Variants in ABI3BP observed in about 807,000 individuals in gnomAD.
ABI3BP encodes the protein target of Nesh-SH3.
In ABI3BP, 216 loss-of-function variants were observed where a neutral mutation model predicts 268.6. The ratio of observed to expected loss-of-function variants is 0.80; its 90% CI spans 0.72 to 0.90. ABI3BP has a LOEUF of 0.90. ABI3BP is among the 40% of genes least tolerant of loss of function. The pLI is 0.00. For synonymous variants in ABI3BP, 730 were observed against 730.0 expected (o/e 1.00, Z 0.00); for missense variants, 2,090 against 2,182.4 (o/e 0.96, Z 0.84).
chr3:100,955,000 T>TTA (rs1405142027), intron 1 of ABI3BP, among the ~76,000 whole-genome samples: 2 of 108,242 alleles, frequency 1.8e-5, no homozygotes, highest in Non-Finnish European at 1.8e-5. Context: ...TTTTTTTTTT[T>TTA]ACGAATCATA....
At chr3:100,827,494 T>C (rs114722092) in intron 34 of ABI3BP, among the ~76,000 whole-genome samples, 1,814 of 152,264 alleles carry the variant, frequency 0.012, 24 homozygotes, top group Middle Eastern at 0.068. Context: ...GCATGATATG[T>C]TCAATGGAAG....
intron 56 of ABI3BP, among the ~76,000 whole-genome samples, 172 bp downstream of exon 56, chr3:100,789,282 T>G (rs1028739272): frequency 6.6e-6 from 1 of 152,136 alleles, no homozygotes; most frequent in Admixed American, 6.6e-5. Flanking sequence ...TAGTCAAGTC[T>G]TGTCACATTT....
intron 4 of ABI3BP, among the ~76,000 whole-genome samples, chr3:100,897,206 C>T (rs1407144125): frequency 6.6e-6 from 1 of 152,092 alleles, no homozygotes; most frequent in Admixed American, 6.5e-5. Context: ...CAAAATGCTG[C>T]TTTAGAATGT....
At chr3:100,756,038 A>G (rs1015007644) in intron 63 of ABI3BP, among the ~76,000 whole-genome samples, 1 of 152,222 alleles carries the variant, frequency 6.6e-6, no homozygotes, top group African/African-American at 2.4e-5. Flanking sequence ...GCTAGTATCT[A>G]AGAACAGATT....
chr3:100,789,648 T>C (rs1165189490), intron 55 of ABI3BP, 132 bp from the exon 56 acceptor site: 1 of 779,156 alleles, frequency 1.3e-6, no homozygotes, highest in Non-Finnish European at 2.0e-6. Context: ...AAATTCCCAT[T>C]ATGCATTATA....
At chr3:100,934,308 G>A (rs2065020392) in intron 1 of ABI3BP, among the ~76,000 whole-genome samples, 1 of 152,070 alleles carries the variant, frequency 6.6e-6, no homozygotes, top group South Asian at 2.1e-4. Context: ...CAAAGGACAT[G>A]AACTCATCCT....
chr3:100,779,412 C>A (rs2096801309), intron 58 of ABI3BP, among the ~76,000 whole-genome samples: 1 of 152,198 alleles, frequency 6.6e-6, no homozygotes, highest in Admixed American at 6.5e-5. Context: ...GGTAAACAGG[C>A]ACCTTTTTAT....
chr3:100,931,911 A>G (rs2063768323), intron 1 of ABI3BP, among the ~76,000 whole-genome samples: 1 of 152,060 alleles, frequency 6.6e-6, no homozygotes, highest in South Asian at 2.1e-4. Flanking sequence ...AATTCTAAAC[A>G]AAAAGAACAA....
In ABI3BP at chr3:100,894,132, C is replaced by A. The variant is rs538404885; in HGVS notation, c.461+4630G>T. Among the ~76,000 whole-genome samples the A allele has an allele frequency of 2.6e-5, 4 of 152,036 alleles. No homozygotes were observed. The East Asian group carries it at 7.8e-4, about 30-fold the overall frequency. On this transcript the variant is annotated intron_variant, in intron 4 of 67. Coordinates refer to ENST00000471714, the MANE Select transcript of ABI3BP (RefSeq NM_001375547.2). ...AATGGACAAGGAGAAGACACAGATG[C>A]AGATATGGGTACATCTCAAAAGAAA...
intron 1 of ABI3BP, among the ~76,000 whole-genome samples, chr3:100,973,971 C>T (rs1453694875): frequency 6.6e-6 from 1 of 152,066 alleles, no homozygotes; most frequent in African/African-American, 2.4e-5. Context: ...GATGCGGTTT[C>T]TAAGAAAATG....
intron 62 of ABI3BP, among the ~76,000 whole-genome samples, chr3:100,766,894 A>G (rs1002301623): frequency 6.6e-6 from 1 of 152,226 alleles, no homozygotes; most frequent in African/African-American, 2.4e-5. Context: ...CTGGCAAGTT[A>G]TATTAGGGAT....
chr3:100,775,613 G>A (rs887058136), intron 59 of ABI3BP, among the ~76,000 whole-genome samples: 1 of 152,072 alleles, frequency 6.6e-6, no homozygotes, highest in Non-Finnish European at 1.5e-5. Context: ...AAAGATGGAG[G>A]GTTGTCGGTT....
rs1449574556 is a variant in ABI3BP, at chr3:100,838,263, A to G, written c.2030T>C (p.Leu677Ser). 6.5e-7 allele frequency: 1 copy of G among 1,536,492 alleles called. No individual in the cohort carries two copies. The highest frequency in any genetic ancestry group is 1.2e-5 in the South Asian group (1 of 84,060). The change falls in exon 26 of 68, where the codon TTA becomes TCA. Residue 677 changes from leucine (L) to serine (S), a missense_variant. Coordinates refer to ENST00000471714, the MANE Select transcript of ABI3BP (RefSeq NM_001375547.2). ...IQPGSKPPKQ[L>S]LPKPQTTAEP... Reference sequence around the variant, plus strand: ...TGCTGTGGTTTGGGGTTTAGGAAGTAATTGTTTTGGTGGTTTTGAACCTGA... The same window carrying G: ...TGCTGTGGTTTGGGGTTTAGGAAGTGATTGTTTTGGTGGTTTTGAACCTGA...
chr3:100,930,583 A>C (rs1303028333), intron 1 of ABI3BP: 1 of 152,074 alleles, frequency 6.6e-6, no homozygotes, highest in Non-Finnish European at 1.5e-5. Flanking sequence ...TATGCACACA[A>C]ACTAGAAAAC....
At chr3:100,992,577 A>T (rs370665429) in intron 1 of ABI3BP, among the ~76,000 whole-genome samples, 1 of 152,224 alleles carries the variant, frequency 6.6e-6, no homozygotes, top group Non-Finnish European at 1.5e-5. Context: ...TACATGCAAC[A>T]TTTATGTTCA....
chr3:100,963,409 C>T (rs2079904508), intron 1 of ABI3BP, among the ~76,000 whole-genome samples: 1 of 152,134 alleles, frequency 6.6e-6, no homozygotes, highest in African/African-American at 2.4e-5. Flanking sequence ...TTCTTAATAT[C>T]TTACAAATTT....
chr3:100,955,926 A>G (rs921725239), intron 1 of ABI3BP, among the ~76,000 whole-genome samples: 11 of 152,166 alleles, frequency 7.2e-5, no homozygotes, highest in African/African-American at 2.7e-4. Flanking sequence ...GGGGGCTCAC[A>G]CTTGTAATCC....
At chr3:100,948,324 C>T (rs1286737075) in intron 1 of ABI3BP, among the ~76,000 whole-genome samples, 1 of 152,086 alleles carries the variant, frequency 6.6e-6, no homozygotes, top group African/African-American at 2.4e-5. Flanking sequence ...CAACAAGCAG[C>T]TCAAATGCTC....
chr3:100,992,197 T>C (rs1457780502), intron 1 of ABI3BP, among the ~76,000 whole-genome samples: 2 of 152,218 alleles, frequency 1.3e-5, no homozygotes, highest in Non-Finnish European at 2.9e-5. Flanking sequence ...CTGTTCACAT[T>C]ATCGTGTGAA....
Sources: gnomAD v4.1 joint callset for allele counts (sites outside exome capture counted in the v4.1 genomes callset) on GRCh38, gnomAD v4.1.1 for gene constraint, MANE v1.5 for transcripts, NCBI Gene and HGNC (gene_info 2026-07-23, HGNC 2026-07-21) for gene names.